The following NSUN6 variants were observed in gnomAD, a reference collection of about 807,000 sequenced individuals.
The protein encoded by NSUN6 is NOP2/Sun RNA methyltransferase 6.
Under a neutral mutation model 58.0 loss-of-function variants are expected in NSUN6, and 64 were observed. That is an observed-to-expected ratio of 1.10 (90% confidence interval 0.90 to 1.36). The LOEUF (loss-of-function observed/expected upper bound fraction) is 1.36. NSUN6 is among the 40% of genes most tolerant of loss of function. The probability of loss-of-function intolerance (pLI) is 0.00; values close to 1 mark genes in which losing one functional copy is unlikely to be tolerated. For missense variants in NSUN6, 701 were observed against 550.1 expected, an observed-to-expected ratio of 1.27 and a Z score of -2.74; for synonymous variants, 231 against 193.9, an observed-to-expected ratio of 1.19 and a Z score of -1.59.
At position 18,545,868 on chromosome 10, in the gene NSUN6, T is replaced by TAAAAACAA; in HGVS notation, c.*64_*65insTTGTTTTT. On this transcript the variant is annotated 3_prime_UTR_variant, in exon 11 of 11. Transcript: ENST00000377304. The stretch of plus-strand genomic sequence containing the variant: ...TCAGTTGGCCTGACAACACTTTGGT[T>TAAAAACAA]AAAAAAAAAAAAACCACAGACAGCA... 1 of 732,152 alleles carries TAAAAACAA rather than the reference T, an allele frequency of 1.4e-6. No individual in the cohort carries two copies. Among genetic ancestry groups the TAAAAACAA allele is most frequent in the Non-Finnish European group, 2.2e-6 (1 of 450,174 alleles). The allele number at this position is 732,152 out of a possible 1,614,324, so 45.4% of individuals were successfully genotyped here. A position where few individuals can be genotyped will look rare whatever the true frequency, so the allele number is the denominator to read the frequency against.
intron 10 of NSUN6, 25 bp downstream of exon 10, chr10:18,548,087 C>T (rs763098207): frequency 2.5e-6 from 4 of 1,611,078 alleles, no homozygotes; most frequent in East Asian, 4.5e-5. Flanking sequence ...TCTTATTACA[C>T]AGAGAAAAAT....
intron 6 of NSUN6, among the ~76,000 whole-genome samples, chr10:18,600,062 T>G (rs2057744432): frequency 1.3e-5 from 2 of 152,088 alleles, no homozygotes; most frequent in Admixed American, 6.6e-5. Flanking sequence ...ATGCTAAAAT[T>G]AAAAATTATC....
At chr10:18,546,829 G>A (rs951858333) in intron 10 of NSUN6, among the ~76,000 whole-genome samples, 2 of 151,790 alleles carry the variant, frequency 1.3e-5, no homozygotes, top group African/African-American at 4.8e-5. Flanking sequence ...CCAAGATTGT[G>A]CCTGGGCAAT....
At chr10:18,631,819 G>A (rs2059040808) in intron 3 of NSUN6, among the ~76,000 whole-genome samples, 1 of 152,210 alleles carries the variant, frequency 6.6e-6, no homozygotes, top group East Asian at 1.9e-4. Context: ...CGTAAAAATG[G>A]CCATACTGCC....
Position 18,651,537 on chromosome 10 carries a change from C to T in NSUN6, c.-334G>A, listed in dbSNP as rs1023098301. 5.9e-6 allele frequency: 6 copies of T among 1,017,208 alleles called. No individual in the cohort carries two copies. In the African/African-American group the frequency reaches 1.0e-4, roughly 17 times the overall value. The allele number at this position is 1,017,208 out of a possible 1,614,324, so 63.0% of individuals were successfully genotyped here. On this transcript the variant is annotated 5_prime_UTR_variant, in exon 1 of 11. Coordinates refer to ENST00000377304, the MANE Select transcript of NSUN6 (RefSeq NM_182543.5). ...AACTGAATCCGTGGTGAAACGGACG[C>T]AGATCAGTAAGCCAGGCTGACAGCA...
upstream of NSUN6, chr10:18,651,631 T>G: frequency 1.0e-6 from 1 of 986,334 alleles, no homozygotes; most frequent in Non-Finnish European, 1.2e-6. Flanking sequence ...GAAAGTCGCT[T>G]CCGGCTTACG....
intron 3 of NSUN6, among the ~76,000 whole-genome samples, chr10:18,618,556 C>A (rs1408169299): frequency 1.3e-5 from 2 of 151,912 alleles, no homozygotes; most frequent in African/African-American, 4.8e-5. Flanking sequence ...GTGGCGCATG[C>A]CTGTAATCCC....
At chr10:18,659,271 GGTTGCC>G (rs2059812718), upstream of NSUN6, 1 of 257,524 alleles carries the variant, frequency 3.9e-6, no homozygotes, top group African/African-American at 2.2e-5. Context: ...CGAAGGCGTG[GGTTGCC>G]GTAAGTGCGC....
intron 6 of NSUN6, among the ~76,000 whole-genome samples, chr10:18,604,731 C>G (rs931100618): frequency 6.6e-6 from 1 of 151,674 alleles, no homozygotes; most frequent in Non-Finnish European, 1.5e-5. Context: ...ACTAAAAATA[C>G]AAAAATTAAC....
At chr10:18,628,514 T>G (rs1392344106) in intron 3 of NSUN6, among the ~76,000 whole-genome samples, 1 of 152,042 alleles carries the variant, frequency 6.6e-6, no homozygotes, top group Non-Finnish European at 1.5e-5. Flanking sequence ...TGAAAAAAGT[T>G]TAGAAGAATC....
intron 7 of NSUN6, among the ~76,000 whole-genome samples, chr10:18,594,162 G>A (rs1183164680): frequency 4.7e-5 from 7 of 150,196 alleles, no homozygotes; most frequent in South Asian, 2.1e-4. Context: ...ACTGGGCCAC[G>A]GTGCACTCCA....
At chr10:18,650,807 G>A (rs541736540) in intron 1 of NSUN6, among the ~76,000 whole-genome samples, 1 of 152,238 alleles carries the variant, frequency 6.6e-6, no homozygotes. Context: ...CAGAGCCAGC[G>A]CTCTTTTAAA....
intron 7 of NSUN6, among the ~76,000 whole-genome samples, chr10:18,594,430 T>C (rs938905000): frequency 8.2e-6 from 1 of 121,290 alleles, no homozygotes; most frequent in Non-Finnish European, 1.8e-5. Flanking sequence ...AGACACTTTC[T>C]GTTTTTTTTT....
rs573430746 is a variant in NSUN6 at position 18,601,978 on chromosome 10, A to G, written c.658-5651T>C. ...ACAGACTAACACTCTATCTCGGGGG[A>G]AAAAAAAAGGGAAATAAATCCATCA... On this transcript the variant is annotated intron_variant, in intron 6 of 10. Transcript: ENST00000377304. 1.6e-4 allele frequency among the ~76,000 whole-genome samples: 24 copies of G among 145,982 alleles called. 1 individual carries two copies. The South Asian group carries it at 2.2e-3, about 13-fold the overall frequency.
chr10:18,550,643 A>G (rs1007789205), intron 9 of NSUN6, among the ~76,000 whole-genome samples: 3 of 151,890 alleles, frequency 2.0e-5, no homozygotes, highest in Non-Finnish European at 2.9e-5. Context: ...CCTATATCCT[A>G]CGCTGGCCAC....
Position 18,559,661 on chromosome 10 carries a change from G to A in NSUN6, c.923-7690C>T, listed in dbSNP as rs111208099. ...ATGGAATTAAGAATCTTACGGAGAC[G>A]GCAATGGAATGTGAAATGTAATGCA... On this transcript the variant is annotated intron_variant, in intron 8 of 10. Transcript: ENST00000377304. 8.7e-3 allele frequency among the ~76,000 whole-genome samples: 1,315 copies of A among 150,766 alleles called. 20 individuals carry two copies. Among genetic ancestry groups the A allele is most frequent in the African/African-American group, 0.031 (1,261 of 41,228 alleles).
chr10:18,557,556 G>C (rs140390490), intron 8 of NSUN6, among the ~76,000 whole-genome samples: 11 of 150,412 alleles, frequency 7.3e-5, no homozygotes, highest in African/African-American at 2.4e-4. Flanking sequence ...ATGGTATGGA[G>C]AATGGAATGG....
intron 10 of NSUN6, among the ~76,000 whole-genome samples, chr10:18,547,078 A>G (rs1237870832): frequency 6.6e-6 from 1 of 152,196 alleles, no homozygotes; most frequent in East Asian, 1.9e-4. Context: ...TTGGGCGAGA[A>G]AAGTTTCTAG....
At chr10:18,609,292 C>G (rs903654120) in intron 6 of NSUN6, among the ~76,000 whole-genome samples, 2 of 152,014 alleles carry the variant, frequency 1.3e-5, no homozygotes, top group Non-Finnish European at 2.9e-5. Flanking sequence ...GCCTAGACAA[C>G]AGAGTGAGAG....
Sources: allele counts gnomAD v4.1 joint callset (sites outside exome capture counted in the v4.1 genomes callset), GRCh38; gene constraint gnomAD v4.1.1; transcripts MANE v1.5; gene names NCBI Gene and HGNC (gene_info 2026-07-23, HGNC 2026-07-21).